CDK17: variants seen among roughly 807,000 people sequenced by gnomAD.
CDK17 encodes the protein cyclin dependent kinase 17.
A neutral mutation model predicts 77.6 loss-of-function variants in CDK17; 24 were observed. That is an observed-to-expected ratio of 0.31 (90% CI 0.22 to 0.44). The LOEUF is 0.44. Among genes scored for constraint, CDK17 ranks in the 20% least tolerant of loss-of-function variants. The pLI is 1.00. For synonymous variants in CDK17, 203 were observed against 210.4 expected, an observed-to-expected ratio of 0.96 and a Z score of 0.30; for missense variants, 429 against 622.5, an observed-to-expected ratio of 0.69 and a Z score of 3.31.
At chr12:96,318,319 AAG>A (rs1346899142) in intron 3 of CDK17, among the ~76,000 whole-genome samples, 3 of 150,972 alleles carry the variant, frequency 2.0e-5, no homozygotes, top group African/African-American at 7.3e-5. Flanking sequence ...GTGACCTACA[AAG>A]AGACTTAGAC....
chr12:96,371,756 T>C (rs952228221), intron 1 of CDK17, among the ~76,000 whole-genome samples: 4 of 152,134 alleles, frequency 2.6e-5, no homozygotes, highest in Non-Finnish European at 5.9e-5. Flanking sequence ...AGAAAAAGAA[T>C]GAAATTTCAT....
At chr12:96,315,362 A>G (rs1448362547) in intron 3 of CDK17, among the ~76,000 whole-genome samples, 1 of 152,204 alleles carries the variant, frequency 6.6e-6, no homozygotes, top group Non-Finnish European at 1.5e-5. Context: ...GCAGTTGCAA[A>G]TGGTAATGGA....
intron 1 of CDK17, among the ~76,000 whole-genome samples, chr12:96,354,520 A>C (rs1375695167): frequency 6.6e-6 from 1 of 152,186 alleles, no homozygotes; most frequent in Non-Finnish European, 1.5e-5. Flanking sequence ...ATCAAGTCTG[A>C]TCACATGAAC....
chr12:96,329,247 G>A (rs569747611), intron 2 of CDK17, among the ~76,000 whole-genome samples: 10 of 152,136 alleles, frequency 6.6e-5, no homozygotes, highest in East Asian at 5.8e-4. Flanking sequence ...AAATAGACAC[G>A]TATTTAATGC....
At position 96,291,721 on chromosome 12, in the gene CDK17, C is replaced by G. The variant is rs930477868; in HGVS notation, c.998-2434G>C. Among the ~76,000 whole-genome samples the G allele has an allele frequency of 2.7e-5, 4 of 148,860 alleles. No homozygotes were observed. In the Admixed American group the frequency reaches 2.8e-4, roughly 10 times the overall value. On this transcript the variant is annotated intron_variant, in intron 10 of 16. Coordinates refer to ENST00000261211, the MANE Select transcript of CDK17 (RefSeq NM_002595.5). Reference sequence around the variant, plus strand: ...GCAACCTCCGCCTCCCGGGTTCAAGCAATTCTCCTGCCTAAACTTCCCAAA... The same window carrying G: ...GCAACCTCCGCCTCCCGGGTTCAAGGAATTCTCCTGCCTAAACTTCCCAAA...
chr12:96,341,026 T>G (rs972419975), intron 1 of CDK17, among the ~76,000 whole-genome samples: 2 of 152,154 alleles, frequency 1.3e-5, no homozygotes, highest in Admixed American at 6.6e-5. Context: ...CGGTGTCTGT[T>G]GATCCCCTCT....
At chr12:96,328,905 A>G (rs545625695) in intron 2 of CDK17, among the ~76,000 whole-genome samples, 40 of 152,338 alleles carry the variant, frequency 2.6e-4, no homozygotes, top group African/African-American at 9.6e-4. Flanking sequence ...GAGAGCCACA[A>G]TAAAATACAA....
At chr12:96,339,658 A>G (rs1392803577) in intron 1 of CDK17, among the ~76,000 whole-genome samples, 2 of 152,068 alleles carry the variant, frequency 1.3e-5, no homozygotes, top group East Asian at 3.9e-4. Context: ...GGCCAAGCGC[A>G]GTGTCTCATG....
At position 96,364,900 on chromosome 12, in the gene CDK17, A is replaced by G. The variant is rs563359575; in HGVS notation, c.-29-30035T>C. ...GACTCAGGAAGACCTCACAAATATG[A>G]GACAGGATCAAGGTATATAAAAAAG... is the stretch of plus-strand genomic sequence containing the variant. On this transcript the variant is annotated intron_variant, in intron 1 of 16. Transcript: ENST00000261211. Among the ~76,000 whole-genome samples the G allele has an allele frequency of 2.2e-4, 34 of 152,340 alleles. No homozygotes were observed. The South Asian group carries it at 4.8e-3, about 21-fold the overall frequency.
chr12:96,366,283 T>C (rs1030704305), intron 1 of CDK17, among the ~76,000 whole-genome samples: 6 of 152,246 alleles, frequency 3.9e-5, no homozygotes, highest in African/African-American at 1.2e-4. Context: ...CATCCATTTA[T>C]TGTATGAACA....
intron 1 of CDK17, among the ~76,000 whole-genome samples, chr12:96,352,043 G>A (rs2137173169): frequency 6.6e-6 from 1 of 152,246 alleles, no homozygotes; most frequent in East Asian, 1.9e-4. Flanking sequence ...AACAGGGCTG[G>A]GATCATGGTG....
At chr12:96,344,348 A>C (rs1285849146) in intron 1 of CDK17, among the ~76,000 whole-genome samples, 1 of 152,218 alleles carries the variant, frequency 6.6e-6, no homozygotes. Flanking sequence ...CAAAAATTTC[A>C]AATAAATCCA....
intron 2 of CDK17, among the ~76,000 whole-genome samples, chr12:96,327,625 G>A (rs879741966): frequency 1.1e-4 from 17 of 151,914 alleles, no homozygotes; most frequent in South Asian, 4.2e-4. Context: ...ACAGCTCACT[G>A]CAGCCTCAAC....
chr12:96,349,343 C>T (rs1953275587), intron 1 of CDK17, among the ~76,000 whole-genome samples: 1 of 151,968 alleles, frequency 6.6e-6, no homozygotes, highest in Non-Finnish European at 1.5e-5. Flanking sequence ...ATCCCAGCTA[C>T]TTAGGAGGTT....
rs1952157041 is a variant in CDK17 at position 96,280,168 on chromosome 12, A to G, written c.*74T>C. 2 of 1,455,144 alleles carry G rather than the reference A, an allele frequency of 1.4e-6. No individual in the cohort carries two copies. The highest frequency in any genetic ancestry group is 1.9e-6 in the Non-Finnish European group (2 of 1,076,038). The allele number at this position is 1,455,144 out of a possible 1,614,324, so 90.1% of individuals were successfully genotyped here. A position where few individuals can be genotyped will look rare whatever the true frequency, so the allele number is the denominator to read the frequency against. ...GGAGATTCCAAGTCCACCAAAAGAA[A>G]TAATTGCCTTCAGTTCTGAGTCCTT... On this transcript the variant is annotated 3_prime_UTR_variant, in exon 17 of 17. Coordinates refer to ENST00000261211, the MANE Select transcript of CDK17 (RefSeq NM_002595.5).
chr12:96,323,276 A>AC (rs202098065), intron 3 of CDK17, among the ~76,000 whole-genome samples: 12,100 of 130,788 alleles, frequency 0.093, 716 homozygotes, highest in East Asian at 0.22. Flanking sequence ...TCTAAAAAAA[A>AC]AAAAAAAACA....
intron 1 of CDK17, among the ~76,000 whole-genome samples, chr12:96,396,302 C>T (rs913436756): frequency 2.4e-4 from 37 of 152,122 alleles, no homozygotes; most frequent in African/African-American, 8.9e-4. Flanking sequence ...AAGTAACCAC[C>T]AACTAACTAT....
Position 96,323,933 on chromosome 12 carries a change from A to C in CDK17, c.283+15T>G. 6.4e-7 allele frequency: 1 copy of C among 1,561,228 alleles called. No homozygotes were observed. The highest frequency in any genetic ancestry group is 8.7e-7 in the Non-Finnish European group (1 of 1,152,704). ...AATCAGAAAGGTAAACACAACAGAC[A>C]AGTAATCAAATTACCTAATCTGCTT... On this transcript the variant is annotated intron_variant, in intron 3 of 16. Transcript: ENST00000261211.
At chr12:96,395,926 A>C (rs1232116480) in intron 1 of CDK17, among the ~76,000 whole-genome samples, 6 of 152,228 alleles carry the variant, frequency 3.9e-5, no homozygotes, top group Non-Finnish European at 5.9e-5. Context: ...ACCTGTGAGA[A>C]AATACGTCTG....
Sources: allele counts gnomAD v4.1 joint callset (sites outside exome capture counted in the v4.1 genomes callset), GRCh38; gene constraint gnomAD v4.1.1; transcripts MANE v1.5; gene names NCBI Gene and HGNC (gene_info 2026-07-23, HGNC 2026-07-21).